The following OTULINL variants were observed in gnomAD, a reference collection of about 807,000 sequenced individuals.
OTULINL encodes OTU deubiquitinase with linear linkage specificity like.
OTULINL carries 42 observed loss-of-function variants against 43.9 expected under a neutral mutation model. The observed-to-expected ratio is 0.96, with a 90% confidence interval of 0.75 to 1.24. The LOEUF (loss-of-function observed/expected upper bound fraction) is 1.24. OTULINL is among the 50% of genes most tolerant of loss of function. The pLI is 0.00. For synonymous variants in OTULINL, 172 were observed against 153.6 expected (o/e 1.12, Z -0.88); for missense variants, 411 against 426.4 (o/e 0.96, Z 0.32).
rs1759387177 is a variant in OTULINL, at chr5:14,601,417, C to G, written c.323C>G (p.Thr108Arg). The G allele has an allele frequency of 1.2e-6, 2 of 1,614,074 alleles. No individual in the cohort carries two copies. The highest frequency in any genetic ancestry group is 4.5e-5 in the East Asian group (2 of 44,878). ...TGTGCAAGAGAATGGAAAGGAGAGACACCCCGTAACAAGCTGATGAGGAAG... is the reference window on the plus strand; with the variant it reads ...TGTGCAAGAGAATGGAAAGGAGAGAGACCCCGTAACAAGCTGATGAGGAAG... ...SYCAREWKGETPRNKLMRKAY... is the reference protein window; with the variant it reads ...SYCAREWKGERPRNKLMRKAY... The change falls in exon 4 of 8, where the codon ACA (threonine) becomes AGA (arginine). Residue 108 changes from threonine to arginine, a missense_variant. Thr to Arg is a moderately conservative substitution (Grantham distance 71). Coordinates refer to ENST00000274217, the MANE Select transcript of OTULINL (RefSeq NM_019018.3).
At chr5:14,592,599 TGCAGTGTG>T (rs1338512363) in intron 1 of OTULINL, among the ~76,000 whole-genome samples, 1 of 152,216 alleles carries the variant, frequency 6.6e-6, no homozygotes, top group Non-Finnish European at 1.5e-5. Flanking sequence ...TGAACTAGCC[TGCAGTGTG>T]GACATATTGC....
chr5:14,607,342 C>T lies in OTULINL; in HGVS notation c.511C>T (p.Leu171=). The T allele has an allele frequency of 6.2e-7, 1 of 1,612,538 alleles. No individual in the cohort carries two copies. The change falls in exon 6 of 8, where the codon CTG becomes TTG. Residue 171 remains leucine, a synonymous_variant. Coordinates refer to ENST00000274217, the MANE Select transcript of OTULINL (RefSeq NM_019018.3). ...CTTCCTTTTCAAGCTTCCTGAAAAA[C>T]TGCTGTTTTCACAAGGTTGTAATTG... ...EKDIVKLPEK[L]LFSQGCNWIQ...
intron 1 of OTULINL, among the ~76,000 whole-genome samples, chr5:14,589,228 G>A (rs1340374528): frequency 2.0e-5 from 3 of 152,174 alleles, no homozygotes; most frequent in African/African-American, 4.8e-5. Context: ...AAAGGACACC[G>A]TGTGCTATGA....
intron 7 of OTULINL, among the ~76,000 whole-genome samples, chr5:14,609,527 G>C (rs1759539891): frequency 1.3e-5 from 2 of 151,728 alleles, no homozygotes; most frequent in East Asian, 3.9e-4. Context: ...AAAACTGATT[G>C]AATGATATAA....
chr5:14,601,284 G>A (rs1411088350), intron 3 of OTULINL, 40 bp downstream of exon 3: 4 of 1,609,066 alleles, frequency 2.5e-6, no homozygotes, highest in Non-Finnish European at 3.4e-6. Context: ...TTTTTAAGGT[G>A]CAGAGAGGGT....
chr5:14,591,038 G>A (rs1371226959), intron 1 of OTULINL, among the ~76,000 whole-genome samples: 1 of 152,178 alleles, frequency 6.6e-6, no homozygotes, highest in African/African-American at 2.4e-5. Context: ...CCAATCAAAA[G>A]GATTAGTAAC....
chr5:14,583,972 ATC>A (rs749496388), intron 1 of OTULINL, among the ~76,000 whole-genome samples: 3 of 152,338 alleles, frequency 2.0e-5, no homozygotes, highest in South Asian at 2.1e-4. Flanking sequence ...TGGACTAAGC[ATC>A]TCTGCATAAT....
chr5:14,583,744 T>C (rs1030737878), intron 1 of OTULINL, among the ~76,000 whole-genome samples: 1 of 152,210 alleles, frequency 6.6e-6, no homozygotes, highest in African/African-American at 2.4e-5. Context: ...TTTCCCTTCT[T>C]TGCCAGTGGT....
chr5:14,592,230 G>C (rs1005221868), intron 1 of OTULINL, among the ~76,000 whole-genome samples: 2 of 152,154 alleles, frequency 1.3e-5, no homozygotes, highest in Non-Finnish European at 2.9e-5. Flanking sequence ...GTTTAGAGAA[G>C]ACTGACCAGG....
At chr5:14,583,259 C>T (rs1386804812) in intron 1 of OTULINL, among the ~76,000 whole-genome samples, 1 of 152,200 alleles carries the variant, frequency 6.6e-6, no homozygotes, top group Non-Finnish European at 1.5e-5. Flanking sequence ...TTAGCTGATC[C>T]AGGCAGCCCC....
intron 1 of OTULINL, among the ~76,000 whole-genome samples, chr5:14,588,772 C>G (rs1759149926): frequency 6.6e-6 from 1 of 152,198 alleles, no homozygotes; most frequent in Non-Finnish European, 1.5e-5. Flanking sequence ...TCAGCCATCA[C>G]ATTTACATTC....
intron 1 of OTULINL, among the ~76,000 whole-genome samples, chr5:14,584,354 T>G (rs1228489729): frequency 6.6e-6 from 1 of 152,134 alleles, no homozygotes; most frequent in Non-Finnish European, 1.5e-5. Flanking sequence ...TAGGGGCCGG[T>G]GTTGGGGGAA....
At chr5:14,607,865 A>G (rs1189132767) in intron 6 of OTULINL, among the ~76,000 whole-genome samples, 2 of 152,222 alleles carry the variant, frequency 1.3e-5, no homozygotes, top group Admixed American at 1.3e-4. Context: ...TTCAATAATG[A>G]CACAGATTTT....
In OTULINL at chr5:14,613,529, A is replaced by G. The variant is rs1038373841; in HGVS notation, c.*3215A>G. Among the ~76,000 whole-genome samples the G allele has an allele frequency of 1.3e-5, 2 of 152,226 alleles. No homozygotes were observed. The highest frequency in any genetic ancestry group is 2.9e-5 in the Non-Finnish European group (2 of 68,036). ...AGAGTTAGGTTAGTTAGTACAACCT[A>G]AGAGGGAGTTAAATGGATCAGGAAA... On this transcript the variant is annotated 3_prime_UTR_variant, in exon 8 of 8. Coordinates refer to ENST00000274217, the MANE Select transcript of OTULINL (RefSeq NM_019018.3).
intron 1 of OTULINL, among the ~76,000 whole-genome samples, chr5:14,597,409 C>T (rs1186092024): frequency 1.3e-5 from 2 of 152,156 alleles, no homozygotes; most frequent in African/African-American, 4.8e-5. Context: ...AATCACTTGC[C>T]CCATATCACA....
At chr5:14,588,966 G>C (rs1258727151) in intron 1 of OTULINL, among the ~76,000 whole-genome samples, 1 of 152,148 alleles carries the variant, frequency 6.6e-6, no homozygotes, top group Admixed American at 6.5e-5. Flanking sequence ...GCTTAATCTC[G>C]ATGGGAGGAG....
rs1231795645 is a variant in OTULINL, at chr5:14,615,080, G to A, written c.*4766G>A. On this transcript the variant is annotated 3_prime_UTR_variant, in exon 8 of 8. Coordinates refer to ENST00000274217, the MANE Select transcript of OTULINL (RefSeq NM_019018.3). Reference sequence around the variant, plus strand: ...ATAAATTTAAAACAGAAACATCAAGGTGTCAGCAATCATGATTTTGTTTTG... The same window carrying A: ...ATAAATTTAAAACAGAAACATCAAGATGTCAGCAATCATGATTTTGTTTTG... 4.4e-6 allele frequency: 1 copy of A among 229,880 alleles called. No homozygotes were observed. The highest frequency in any genetic ancestry group is 8.4e-6 in the Non-Finnish European group (1 of 119,472). The allele number at this position is 229,880 out of a possible 1,614,324, so 14.2% of individuals were successfully genotyped here.
chr5:14,607,326 C>T lies in OTULINL; in HGVS notation c.499-4C>T, dbSNP rs778841318. 1 of 1,612,194 alleles carries T rather than the reference C, an allele frequency of 6.2e-7. No individual in the cohort carries two copies. Among genetic ancestry groups the T allele is most frequent in the East Asian group, 2.2e-5 (1 of 44,864 alleles). On this transcript the variant is annotated splice_region_variant and splice_polypyrimidine_tract_variant and intron_variant, in intron 5 of 7. Coordinates refer to ENST00000274217, the MANE Select transcript of OTULINL (RefSeq NM_019018.3). ...TCATAGTTGGCATCTACTTCCTTTTCAAGCTTCCTGAAAAACTGCTGTTTT... is the reference window on the plus strand; with the variant it reads ...TCATAGTTGGCATCTACTTCCTTTTTAAGCTTCCTGAAAAACTGCTGTTTT...
chr5:14,593,860 G>C (rs1397056710), intron 1 of OTULINL, among the ~76,000 whole-genome samples: 2 of 152,158 alleles, frequency 1.3e-5, no homozygotes, highest in African/African-American at 4.8e-5. Flanking sequence ...GCCCCATCCT[G>C]GGGGGATGGT....
Sources: gnomAD v4.1 joint callset for allele counts (sites outside exome capture counted in the v4.1 genomes callset) on GRCh38, gnomAD v4.1.1 for gene constraint, MANE v1.5 for transcripts, NCBI Gene and HGNC (gene_info 2026-07-23, HGNC 2026-07-21) for gene names.